The following ASIC1 variants were observed in gnomAD, a reference collection of about 807,000 sequenced individuals.
ASIC1 encodes acid-sensing ion channel 1.
In ASIC1, 21 loss-of-function variants were observed where a neutral mutation model predicts 63.4. That is an observed-to-expected ratio of 0.33 (90% CI 0.23 to 0.48). The LOEUF (loss-of-function observed/expected upper bound fraction) is 0.48, where lower values mean the gene tolerates loss of function less well. Ranked by LOEUF, ASIC1 falls within the 20% of genes least tolerant of loss-of-function variation. ASIC1 has a pLI of 0.99. For missense variants in ASIC1, 478 were observed against 695.5 expected (o/e 0.69, Z 3.52); for synonymous variants, 258 against 278.2 (o/e 0.93, Z 0.72).
At chr12:50,079,041 C>T in intron 7 of ASIC1, 61 bp downstream of exon 7, 22 of 1,518,458 alleles carry the variant, frequency 1.4e-5, no homozygotes, top group Non-Finnish European at 1.9e-5. Context: ...GCCACGTGCG[C>T]AGGAGTTTCA....
In ASIC1 at chr12:50,083,432, G is replaced by C. The variant is rs1007472627; in HGVS notation, c.*1783G>C. 6.6e-5 allele frequency: 10 copies of C among 152,600 alleles called. No homozygotes were observed. Among genetic ancestry groups the C allele is most frequent in the African/African-American group, 2.4e-4 (10 of 41,448 alleles). 9.5% of individuals were successfully genotyped at this position (152,600 alleles called of 1,614,324 possible). On this transcript the variant is annotated 3_prime_UTR_variant, in exon 12 of 12. Transcript: ENST00000447966. The stretch of plus-strand genomic sequence containing the variant: ...ACCTGTGAGCAGCTGCATTGGCCTG[G>C]AGCTGGAGAGTAAGGCTGTAGGATC...
At chr12:50,072,321 C>T (rs1176628439) in intron 3 of ASIC1, among the ~76,000 whole-genome samples, 1 of 152,238 alleles carries the variant, frequency 6.6e-6, no homozygotes, top group East Asian at 1.9e-4. Context: ...CTATACCTCC[C>T]TCCCCCGCTT....
At chr12:50,061,550 G>A (rs1232724175) in intron 3 of ASIC1, among the ~76,000 whole-genome samples, 2 of 152,172 alleles carry the variant, frequency 1.3e-5, no homozygotes, top group Non-Finnish European at 1.5e-5. Flanking sequence ...GGAAGCAAAA[G>A]CCAGAGCCGC....
chr12:50,066,443 G>A (rs1950546639), intron 3 of ASIC1, among the ~76,000 whole-genome samples: 1 of 152,002 alleles, frequency 6.6e-6, no homozygotes, highest in African/African-American at 2.4e-5. Flanking sequence ...ATAGAGAAGA[G>A]ACCCTAGGAA....
intron 4 of ASIC1, 146 bp from the exon 5 acceptor site, chr12:50,077,854 G>C (rs1174450771): frequency 6.7e-6 from 8 of 1,186,200 alleles, no homozygotes; most frequent in East Asian, 2.4e-5. Flanking sequence ...AGGAGGCTAG[G>C]GGGTGGGCTA....
chr12:50,078,367 G>A lies in ASIC1; in HGVS notation c.838-54G>A. 1 of 1,603,406 alleles carries A rather than the reference G, an allele frequency of 6.2e-7. No individual in the cohort carries two copies. The highest frequency in any genetic ancestry group is 1.7e-4 in the Middle Eastern group (1 of 6,008). ...GCATCTTGTCAGAGGAGTCCATCAAGCTGATTTGGGGAGAAGTCCCCGCAC... is the reference window on the plus strand; with the variant it reads ...GCATCTTGTCAGAGGAGTCCATCAAACTGATTTGGGGAGAAGTCCCCGCAC... On this transcript the variant is annotated intron_variant, in intron 5 of 11. Coordinates refer to ENST00000447966, the MANE Select transcript of ASIC1 (RefSeq NM_001095.4). This position sits in a 1 kb window ranked among gnomAD's most constrained non-coding sequence, Gnocchi z 6.0.
rs1158749965 is a variant in ASIC1 at position 50,081,250 on chromosome 12, C to T, written c.1378-10C>T. 3 of 1,605,934 alleles carry T rather than the reference C, an allele frequency of 1.9e-6. No individual in the cohort carries two copies. Among genetic ancestry groups the T allele is most frequent in the South Asian group, 2.2e-5 (2 of 89,688 alleles). On this transcript the variant is annotated splice_polypyrimidine_tract_variant and intron_variant, in intron 10 of 11. Coordinates refer to ENST00000447966, the MANE Select transcript of ASIC1 (RefSeq NM_001095.4). ...GTCCAGCCCGCCCACCTGCCCCGTC[C>T]CCGTCCTAGGTCATTAAGCACAAGC...
chr12:50,062,612 AG>A (rs1421868271), intron 3 of ASIC1, among the ~76,000 whole-genome samples: 1 of 142,946 alleles, frequency 7.0e-6, no homozygotes, highest in East Asian at 2.1e-4. Flanking sequence ...GCTTTTGCAA[AG>A]TATAGCGTGC....
In ASIC1 at chr12:50,074,314, C is replaced by T; in HGVS notation, c.559-2899C>T. On this transcript the variant is annotated intron_variant, in intron 3 of 11. Transcript: ENST00000447966. The surrounding 1 kb of genome is among the most constrained non-coding windows in gnomAD (Gnocchi z 4.2). Reference sequence around the variant, plus strand: ...CCATGGCTGTCCCTGACTGTCACCTCCTGGGGTTGGGGCTGGGGCTGGGGC... The same window carrying T: ...CCATGGCTGTCCCTGACTGTCACCTTCTGGGGTTGGGGCTGGGGCTGGGGC... 1 of 1,432,782 alleles carries T rather than the reference C, an allele frequency of 7.0e-7. No homozygotes were observed. Among genetic ancestry groups the T allele is most frequent in the Non-Finnish European group, 9.1e-7 (1 of 1,096,850 alleles). The allele number at this position is 1,432,782 out of a possible 1,614,324, so 88.8% of individuals were successfully genotyped here.
Position 50,077,250 on chromosome 12 carries a change from C to T in ASIC1, c.596C>T (p.Ser199Leu), listed in dbSNP as rs374170551. 6.8e-6 allele frequency: 11 copies of T among 1,613,380 alleles called. No homozygotes were observed. Among genetic ancestry groups the T allele is most frequent in the African/African-American group, 1.3e-5 (1 of 74,904 alleles). Residue 199 changes from serine (S) to leucine (L), a missense_variant, in exon 4 of 12, where the codon TCG becomes TTG. Physicochemically the swap from Ser to Leu is moderately radical, Grantham distance 145 (BLOSUM62 -2). Transcript: ENST00000447966. The part of the protein sequence containing the change: ...TRYGKCYTFN[S>L]GRDGRPRLKT... ...TATGGAAAGTGCTACACGTTCAACT[C>T]GGGCCGAGATGGGCGGCCGCGGCTG... is the stretch of plus-strand genomic sequence containing the variant.
chr12:50,081,055 C>G (rs747051343), intron 9 of ASIC1, 47 bp from the exon 10 acceptor site: 8 of 1,516,234 alleles, frequency 5.3e-6, no homozygotes, highest in Non-Finnish European at 7.2e-6. Context: ...CCTGCTGCCC[C>G]CACGATGTCC....
At position 50,057,760 on chromosome 12, in the gene ASIC1, G is replaced by T. The variant is rs1309975342; in HGVS notation, c.-173G>T. On this transcript the variant is annotated 5_prime_UTR_variant, in exon 1 of 12. Coordinates refer to ENST00000447966, the MANE Select transcript of ASIC1 (RefSeq NM_001095.4). The surrounding 1 kb of genome is among the most constrained non-coding windows in gnomAD (Gnocchi z 4.7). ...GACAGATCGGAGCCGAGCGGGGCCGGGCGGGGCGCTCCCTGCAGGGCTCTG... is the reference window on the plus strand; with the variant it reads ...GACAGATCGGAGCCGAGCGGGGCCGTGCGGGGCGCTCCCTGCAGGGCTCTG... 6.7e-6 allele frequency: 1 copy of T among 150,068 alleles called. No homozygotes were observed. Among genetic ancestry groups the T allele is most frequent in the African/African-American group, 2.4e-5 (1 of 41,166 alleles). 9.3% of individuals were successfully genotyped at this position (150,068 alleles called of 1,614,324 possible). A position where few individuals can be genotyped will look rare whatever the true frequency, so the allele number is the denominator to read the frequency against.
intron 3 of ASIC1, 72 bp from the exon 4 acceptor site, chr12:50,077,141 T>A (rs1049672340): frequency 4.8e-5 from 77 of 1,608,316 alleles, no homozygotes; most frequent in Non-Finnish European, 6.5e-5. Context: ...ACAGCTGGGG[T>A]GGCTAGGAAC....
At chr12:50,073,097 G>A (rs1428048608) in intron 3 of ASIC1, among the ~76,000 whole-genome samples, 1 of 152,128 alleles carries the variant, frequency 6.6e-6, no homozygotes, top group Admixed American at 6.5e-5. Flanking sequence ...GAGAGCATGA[G>A]TGTGTGTTGT....
chr12:50,078,746 G>C lies in ASIC1; in HGVS notation c.994+169G>C. On this transcript the variant is annotated intron_variant, in intron 6 of 11. Coordinates refer to ENST00000447966, the MANE Select transcript of ASIC1 (RefSeq NM_001095.4). This position sits in a 1 kb window ranked among gnomAD's most constrained non-coding sequence, Gnocchi z 6.0. The stretch of plus-strand genomic sequence containing the variant: ...GTTCCCGCCTGCACCCCCAGGGATG[G>C]GTGGGAAGGGTCTAGAAGGTATGGA... 1 of 1,334,154 alleles carries C rather than the reference G, an allele frequency of 7.5e-7. No homozygotes were observed. The allele number at this position is 1,334,154 out of a possible 1,614,324, so 82.6% of individuals were successfully genotyped here.
At chr12:50,081,047 T>C (rs1950710077) in intron 9 of ASIC1, 55 bp from the exon 10 acceptor site, 6 of 1,485,900 alleles carry the variant, frequency 4.0e-6, no homozygotes, top group Non-Finnish European at 2.8e-6. Context: ...CAGTAAACCC[T>C]GCTGCCCCCA....
At chr12:50,060,021 G>C in intron 3 of ASIC1, 67 bp downstream of exon 3, 2 of 1,569,270 alleles carry the variant, frequency 1.3e-6, no homozygotes, top group Non-Finnish European at 1.7e-6. Flanking sequence ...ACAAGGAGCA[G>C]GCTGGGCCTC....
In ASIC1 at chr12:50,078,866, C is replaced by A; in HGVS notation, c.995-58C>A. 2 of 1,570,268 alleles carry A rather than the reference C, an allele frequency of 1.3e-6. No individual in the cohort carries two copies. Among genetic ancestry groups the A allele is most frequent in the Non-Finnish European group, 1.8e-6 (2 of 1,140,304 alleles). On this transcript the variant is annotated intron_variant, in intron 6 of 11. Transcript: ENST00000447966. This position sits in a 1 kb window ranked among gnomAD's most constrained non-coding sequence, Gnocchi z 6.0. ...ACACCTTCTAGGCCTTTGGTACTACCACCATCACCAGACCCCTTGAATTCC... is the reference window on the plus strand; with the variant it reads ...ACACCTTCTAGGCCTTTGGTACTACAACCATCACCAGACCCCTTGAATTCC...
Position 50,080,046 on chromosome 12 carries a change from A to G in ASIC1, c.1196A>G (p.Gln399Arg), listed in dbSNP as rs1278870740. 6.2e-7 allele frequency: 1 copy of G among 1,612,252 alleles called. No homozygotes were observed. Among genetic ancestry groups the G allele is most frequent in the Admixed American group, 1.7e-5 (1 of 59,858 alleles). The change falls in exon 8 of 12, where the codon CAA becomes CGA. Residue 399 changes from glutamine (Q) to arginine (R), a missense_variant. Gln to Arg is a conservative substitution (Grantham distance 43). Coordinates refer to ENST00000447966, the MANE Select transcript of ASIC1 (RefSeq NM_001095.4). ...GCCAAGAAGTTCAACAAATCTGAGCAATACATAGGGTAAGGGCTCTGGCTG... is the reference window on the plus strand; with the variant it reads ...GCCAAGAAGTTCAACAAATCTGAGCGATACATAGGGTAAGGGCTCTGGCTG... ...YLAKKFNKSE[Q>R]YIGENILVLD... is the part of the protein sequence containing the mutation.
Sources: gnomAD v4.1 joint callset for allele counts (sites outside exome capture counted in the v4.1 genomes callset) on GRCh38, gnomAD v4.1.1 for gene constraint, Gnocchi (gnomAD v3.1) non-coding constraint, MANE v1.5 for transcripts, NCBI Gene and HGNC (gene_info 2026-07-23, HGNC 2026-07-21) for gene names.